Variants in TSPAN5 observed in about 807,000 individuals in gnomAD.
The protein encoded by TSPAN5 is tetraspanin-5.
TSPAN5 carries 10 observed loss-of-function variants against 37.1 expected under a neutral mutation model. That is an observed-to-expected ratio of 0.27 (90% CI 0.17 to 0.46). The LOEUF is 0.46. TSPAN5 is among the 20% of genes least tolerant of loss of function. The pLI is 1.00. For synonymous variants in TSPAN5, 110 were observed against 118.9 expected (o/e 0.93, Z 0.48); for missense variants, 195 against 326.6 (o/e 0.60, Z 3.11).
intron 1 of TSPAN5, among the ~76,000 whole-genome samples, chr4:98,648,048 G>A (rs951701236): frequency 3.9e-5 from 6 of 152,156 alleles, no homozygotes; most frequent in Admixed American, 2.6e-4. Flanking sequence ...AAAACACTAG[G>A]CATAACCCGG....
intron 1 of TSPAN5, among the ~76,000 whole-genome samples, chr4:98,585,141 T>C (rs1755457053): frequency 6.6e-6 from 1 of 152,226 alleles, no homozygotes; most frequent in Non-Finnish European, 1.5e-5. Context: ...TCAAAATTCT[T>C]ATACATTTAG....
chr4:98,514,072 T>A (rs942636748), intron 1 of TSPAN5, among the ~76,000 whole-genome samples: 1 of 152,124 alleles, frequency 6.6e-6, no homozygotes, highest in Non-Finnish European at 1.5e-5. Context: ...ATCAAGTCAA[T>A]CTTCTTACCT....
chr4:98,553,440 G>A lies in TSPAN5; in HGVS notation c.82-45712C>T, dbSNP rs569348577. On this transcript the variant is annotated intron_variant, in intron 1 of 7. Coordinates refer to ENST00000305798, the MANE Select transcript of TSPAN5 (RefSeq NM_005723.4). The stretch of plus-strand genomic sequence containing the variant: ...AATAATCATATGCATTTCCTAAATT[G>A]TCTGTCTAGAACATGTTATCTTGAT... 7.8e-4 allele frequency among the ~76,000 whole-genome samples: 118 copies of A among 152,220 alleles called. 1 individual carries two copies. Among genetic ancestry groups the A allele is most frequent in the African/African-American group, 2.7e-3 (113 of 41,550 alleles).
chr4:98,577,333 C>T (rs1755261817), intron 1 of TSPAN5, among the ~76,000 whole-genome samples: 1 of 152,072 alleles, frequency 6.6e-6, no homozygotes, highest in South Asian at 2.1e-4. Context: ...AAAATGTTTA[C>T]CACCCTTAAA....
At chr4:98,536,279 C>A (rs1024580573) in intron 1 of TSPAN5, among the ~76,000 whole-genome samples, 1 of 152,142 alleles carries the variant, frequency 6.6e-6, no homozygotes, top group African/African-American at 2.4e-5. Flanking sequence ...CTTCTGCTGC[C>A]GGTCTGCTGG....
Position 98,486,825 on chromosome 4 carries a change from G to T in TSPAN5, c.192C>A (p.Leu64=), listed in dbSNP as rs774284281. ...ACATCACTCCTCCCACCACAAGGAA[G>T]AGCCAAACTGGGTCAAAGCCGCCGA... ...TDLGGFDPVW[L]FLVVGGVMFI... is the part of the protein sequence containing the mutation. Residue 64 remains leucine, a synonymous_variant, in exon 3 of 8, where the codon CTC becomes CTA. Coordinates refer to ENST00000305798, the MANE Select transcript of TSPAN5 (RefSeq NM_005723.4). The T allele has an allele frequency of 3.7e-6, 6 of 1,614,010 alleles. No individual in the cohort carries two copies. Among genetic ancestry groups the T allele is most frequent in the Admixed American group, 1.7e-5 (1 of 59,998 alleles).
intron 1 of TSPAN5, among the ~76,000 whole-genome samples, chr4:98,556,037 A>ACCCCCCCCCCCCCCC (rs374997947): frequency 1.6e-5 from 1 of 63,400 alleles, no homozygotes; most frequent in African/African-American, 7.9e-5. Context: ...CACACACAGC[A>ACCCCCCCCCCCCCCC]CCCCCACACA....
intron 1 of TSPAN5, among the ~76,000 whole-genome samples, chr4:98,572,301 C>T (rs2110183806): frequency 6.6e-6 from 1 of 152,280 alleles, no homozygotes; most frequent in African/African-American, 2.4e-5. Context: ...AGCATAGGCA[C>T]AATGCACTCT....
At chr4:98,494,258 G>A (rs1475615165) in intron 2 of TSPAN5, among the ~76,000 whole-genome samples, 1 of 152,014 alleles carries the variant, frequency 6.6e-6, no homozygotes, top group African/African-American at 2.4e-5. Context: ...AAACCATCCT[G>A]AACTGTACTT....
chr4:98,658,041 A>T (rs1757327178), intron 1 of TSPAN5, 105 bp downstream of exon 1: 1 of 1,005,822 alleles, frequency 9.9e-7, no homozygotes, highest in Non-Finnish European at 1.6e-6. Flanking sequence ...TGCTCCGGCA[A>T]GCGCCTGCGG....
At chr4:98,486,144 A>G (rs1033566268) in intron 3 of TSPAN5, among the ~76,000 whole-genome samples, 7 of 152,318 alleles carry the variant, frequency 4.6e-5, no homozygotes, top group African/African-American at 1.7e-4. Flanking sequence ...AACTTTAAAT[A>G]CCAGTGAACC....
chr4:98,648,710 A>C (rs1048938874), intron 1 of TSPAN5, among the ~76,000 whole-genome samples: 6 of 152,020 alleles, frequency 3.9e-5, no homozygotes, highest in Non-Finnish European at 5.9e-5. Context: ...TGCTGGTGAA[A>C]TGGTCACCGC....
At chr4:98,616,955 C>G (rs1462696794) in intron 1 of TSPAN5, among the ~76,000 whole-genome samples, 1 of 151,036 alleles carries the variant, frequency 6.6e-6, no homozygotes, top group Non-Finnish European at 1.5e-5. Context: ...TCCCGAGTAG[C>G]TGGGACTACA....
chr4:98,618,603 G>A (rs1333937154), intron 1 of TSPAN5, among the ~76,000 whole-genome samples: 1 of 152,110 alleles, frequency 6.6e-6, no homozygotes, highest in Non-Finnish European at 1.5e-5. Context: ...GGAGGCATAT[G>A]AAGGATAAGT....
chr4:98,473,481 C>G (rs1752630170), intron 7 of TSPAN5, among the ~76,000 whole-genome samples: 2 of 138,116 alleles, frequency 1.4e-5, no homozygotes, highest in African/African-American at 5.5e-5. Flanking sequence ...GAGACGGAGT[C>G]TCGCTCTGTC....
intron 4 of TSPAN5, 74 bp from the exon 5 acceptor site, chr4:98,478,884 C>A: frequency 6.4e-7 from 1 of 1,565,600 alleles, no homozygotes; most frequent in Non-Finnish European, 8.7e-7. Context: ...ACCCGCCGAA[C>A]GACACCAGCT....
chr4:98,501,160 G>A (rs1433457613), intron 2 of TSPAN5, among the ~76,000 whole-genome samples: 2 of 152,142 alleles, frequency 1.3e-5, no homozygotes, highest in Non-Finnish European at 2.9e-5. Context: ...ACTTTTACGA[G>A]AGAAGTAATT....
In TSPAN5 at chr4:98,584,131, C is replaced by T. The variant is rs969312635; in HGVS notation, c.81+74015G>A. The stretch of plus-strand genomic sequence containing the variant: ...TCCAAATTATTTTTTCAAAGAGATG[C>T]GGTCTTTCTTTGTTACCCAGGCTGG... On this transcript the variant is annotated intron_variant, in intron 1 of 7. Coordinates refer to ENST00000305798, the MANE Select transcript of TSPAN5 (RefSeq NM_005723.4). Among the ~76,000 whole-genome samples the T allele has an allele frequency of 3.9e-5, 6 of 152,060 alleles. No homozygotes were observed. In the South Asian group the frequency reaches 8.3e-4, roughly 21 times the overall value.
intron 2 of TSPAN5, among the ~76,000 whole-genome samples, chr4:98,494,122 A>G (rs969199500): frequency 2.6e-5 from 4 of 152,182 alleles, no homozygotes; most frequent in African/African-American, 9.6e-5. Context: ...TAGAGAGCCA[A>G]CAAGCAACAA....
Sources: allele counts gnomAD v4.1 joint callset (sites outside exome capture counted in the v4.1 genomes callset), GRCh38; gene constraint gnomAD v4.1.1; transcripts MANE v1.5; gene names NCBI Gene and HGNC (gene_info 2026-07-23, HGNC 2026-07-21).